Variants in GHRHR observed in about 807,000 individuals in gnomAD.
GHRHR encodes growth hormone releasing hormone receptor, also known as growth hormone-releasing hormone receptor.
GHRHR carries 40 observed loss-of-function variants against 58.3 expected under a neutral mutation model. The ratio of observed to expected loss-of-function variants is 0.69; its 90% confidence interval spans 0.53 to 0.89. The LOEUF (loss-of-function observed/expected upper bound fraction) is 0.89. Among genes scored for constraint, GHRHR ranks in the 40% least tolerant of loss-of-function variants. GHRHR has a pLI of 0.00. For synonymous variants in GHRHR, 249 were observed against 216.6 expected (o/e 1.15, Z -1.31); for missense variants, 551 against 541.3 (o/e 1.02, Z -0.18).
intron 1 of GHRHR, among the ~76,000 whole-genome samples, chr7:30,965,116 T>C (rs774288749): frequency 2.1e-4 from 32 of 152,176 alleles, no homozygotes; most frequent in Non-Finnish European, 3.8e-4. Flanking sequence ...TCACTGTGCA[T>C]TGAGTGGAAT....
At position 30,973,086 on chromosome 7, in the gene GHRHR, C is replaced by T. The variant is rs528799947; in HGVS notation, c.598-899C>T. On this transcript the variant is annotated intron_variant, in intron 6 of 12. Coordinates refer to ENST00000326139, the MANE Select transcript of GHRHR (RefSeq NM_000823.4). ...CCGATTAACACATATTTGTCTGTTACACGTGTTATATACTGTATTCTTACA... is the reference window on the plus strand; with the variant it reads ...CCGATTAACACATATTTGTCTGTTATACGTGTTATATACTGTATTCTTACA... 3.3e-5 allele frequency among the ~76,000 whole-genome samples: 5 copies of T among 152,278 alleles called. No homozygotes were observed. In the East Asian group the frequency reaches 9.6e-4, roughly 29 times the overall value.
chr7:30,968,620 C>T (rs376911832), intron 1 of GHRHR, among the ~76,000 whole-genome samples: 1 of 104,976 alleles, frequency 9.5e-6, no homozygotes, highest in Non-Finnish European at 1.8e-5. Flanking sequence ...CTCCCTCCCT[C>T]CCTCCCTCCC....
intron 6 of GHRHR, 157 bp downstream of exon 6, chr7:30,972,252 C>T (rs892364035): frequency 6.8e-6 from 5 of 730,018 alleles, no homozygotes; most frequent in Non-Finnish European, 1.2e-5. Flanking sequence ...TTTCCCATGT[C>T]ACCCCCTAAG....
At position 30,974,417 on chromosome 7, in the gene GHRHR, G is replaced by A. The variant is rs1427753911; in HGVS notation, c.752-12G>A. 1.3e-6 allele frequency: 2 copies of A among 1,599,604 alleles called. No individual in the cohort carries two copies. Among genetic ancestry groups the A allele is most frequent in the Non-Finnish European group, 1.7e-6 (2 of 1,166,776 alleles). On this transcript the variant is annotated splice_polypyrimidine_tract_variant and intron_variant, in intron 7 of 12. Coordinates refer to ENST00000326139, the MANE Select transcript of GHRHR (RefSeq NM_000823.4). Reference sequence around the variant, plus strand: ...AGACTCCCTCGCTTGTGTCTTCCCTGTACTCCTGTAGGGCTGCCCGTGCTC... The same window carrying A: ...AGACTCCCTCGCTTGTGTCTTCCCTATACTCCTGTAGGGCTGCCCGTGCTC...
At chr7:30,975,922 C>T in intron 10 of GHRHR, 54 bp downstream of exon 10, 1 of 981,388 alleles carries the variant, frequency 1.0e-6, no homozygotes, top group Non-Finnish European at 1.7e-6. Flanking sequence ...GAGGGGGATT[C>T]AATGTGTCTG....
Position 30,977,315 on chromosome 7 carries a change from A to G in GHRHR, c.1139A>G (p.Asn380Ser), listed in dbSNP as rs1467766527. 2.5e-6 allele frequency: 4 copies of G among 1,613,868 alleles called. No homozygotes were observed. The highest frequency in any genetic ancestry group is 3.4e-6 in the Non-Finnish European group (4 of 1,179,848). The change falls in exon 12 of 13, where the codon AAC becomes AGC. Residue 380 changes from asparagine to serine, a missense_variant. Coordinates refer to ENST00000326139, the MANE Select transcript of GHRHR (RefSeq NM_000823.4). ...GTTGCCATCCTCTACTGCTTCCTCA[A>G]CCAAGAGGTGTGTGATTTTTGAGGC... ...FIVAILYCFLNQEVRTEISRK... is the reference protein window; with the variant it reads ...FIVAILYCFLSQEVRTEISRK...
chr7:30,974,799 C>A (rs1792544722), intron 8 of GHRHR, among the ~76,000 whole-genome samples, 172 bp from the exon 9 acceptor site: 1 of 152,076 alleles, frequency 6.6e-6, no homozygotes, highest in Non-Finnish European at 1.5e-5. Context: ...AAGGGTGAGC[C>A]CAGCCTGGAT....
rs770962010 is a variant in GHRHR, at chr7:30,968,863, C to T, written c.87C>T (p.Asp29=). 2 of 1,613,860 alleles carry T rather than the reference C, an allele frequency of 1.2e-6. No individual in the cohort carries two copies. Among genetic ancestry groups the T allele is most frequent in the African/African-American group, 1.3e-5 (1 of 74,990 alleles). ...TGGGCCACATGCACCCAGAATGTGA[C>T]TTCATCACCCAGCTGAGAGAGGATG... ...TVLGHMHPEC[D]FITQLREDES... is the part of the protein sequence containing the mutation. Residue 29 remains aspartate (D), a synonymous_variant, in exon 2 of 13, where the codon GAC becomes GAT. Transcript: ENST00000326139.
chr7:30,968,857 A>G lies in GHRHR; in HGVS notation c.81A>G (p.Glu27=), dbSNP rs760761162. 1 of 1,613,822 alleles carries G rather than the reference A, an allele frequency of 6.2e-7. No individual in the cohort carries two copies. Among genetic ancestry groups the G allele is most frequent in the Non-Finnish European group, 8.5e-7 (1 of 1,179,836 alleles). The change falls in exon 2 of 13, where the codon GAA becomes GAG. Residue 27 remains glutamate, a synonymous_variant. Transcript: ENST00000326139. ...LPTVLGHMHP[E]CDFITQLRED... is the part of the protein sequence containing the mutation. ...AGGTATTGGGCCACATGCACCCAGA[A>G]TGTGACTTCATCACCCAGCTGAGAG...
rs149678088 is a variant in GHRHR, at chr7:30,974,488, G to A, written c.811G>A (p.Ala271Thr). The A allele has an allele frequency of 1.3e-5, 21 of 1,609,184 alleles. No homozygotes were observed. The highest frequency in any genetic ancestry group is 3.3e-5 in the Admixed American group (2 of 60,002). ...CTGCAAACTGGCCTTCGAGGACATC[G>A]CGTGAGTCGGAGCGGCCACCTTGTC... ...VSCKLAFEDIACWDLDDTSPY... is the reference protein window; with the variant it reads ...VSCKLAFEDITCWDLDDTSPY... Residue 271 changes from alanine to threonine, a missense_variant and splice_region_variant, in exon 8 of 13, where the codon GCG (alanine) becomes ACG (threonine). Physicochemically the swap from Ala to Thr is moderately conservative, Grantham distance 58. Coordinates refer to ENST00000326139, the MANE Select transcript of GHRHR (RefSeq NM_000823.4).
rs748960224 is a variant in GHRHR, at chr7:30,979,107, T to C, written c.1147-12T>C. On this transcript the variant is annotated splice_polypyrimidine_tract_variant and intron_variant, in intron 12 of 12. Transcript: ENST00000326139. ...GGGGACCTTCCTAACGTCCTCTTCCTTGTCCCTGGAGGTGAGGACTGAGAT... is the reference window on the plus strand; with the variant it reads ...GGGGACCTTCCTAACGTCCTCTTCCCTGTCCCTGGAGGTGAGGACTGAGAT... 4 of 1,613,276 alleles carry C rather than the reference T, an allele frequency of 2.5e-6. No individual in the cohort carries two copies. The African/African-American group carries it at 5.3e-5, about 22-fold the overall frequency.
intron 12 of GHRHR, among the ~76,000 whole-genome samples, chr7:30,978,880 C>T (rs1792635921): frequency 6.6e-6 from 1 of 152,132 alleles, no homozygotes; most frequent in Non-Finnish European, 1.5e-5. Context: ...TGGGCTCAGA[C>T]AAAGGCAGGG....
chr7:30,970,799 T>C (rs1792465730), intron 4 of GHRHR, among the ~76,000 whole-genome samples: 1 of 152,216 alleles, frequency 6.6e-6, no homozygotes, highest in Non-Finnish European at 1.5e-5. Flanking sequence ...AACAAGCTGA[T>C]TTCCTCTTGG....
rs111667652 is a variant in GHRHR, at chr7:30,966,311, G to C, written c.57+2186G>C. ...TCTTACATCTGCTACACTATTTGCT[G>C]TGCCTGCATTTCTCCCAAAGAACAC... On this transcript the variant is annotated intron_variant, in intron 1 of 12. Coordinates refer to ENST00000326139, the MANE Select transcript of GHRHR (RefSeq NM_000823.4). 3.7e-3 allele frequency among the ~76,000 whole-genome samples: 553 copies of C among 151,176 alleles called. 6 individuals carry two copies. The highest frequency in any genetic ancestry group is 0.021 in the Middle Eastern group (6 of 290).
At chr7:30,978,531 G>A (rs1792629421) in intron 12 of GHRHR, among the ~76,000 whole-genome samples, 1 of 152,130 alleles carries the variant, frequency 6.6e-6, no homozygotes, top group African/African-American at 2.4e-5. Context: ...CCCCAGTTCG[G>A]CTCTACTGCA....
At chr7:30,969,465 C>T in intron 3 of GHRHR, 1 of 593,202 alleles carries the variant, frequency 1.7e-6, no homozygotes, top group Non-Finnish European at 3.0e-6. Context: ...GGAGGGCAGG[C>T]CTGCCTGACT....
rs1792286876 is a variant in GHRHR, at chr7:30,964,035, G to A, written c.-34G>A. 6.5e-7 allele frequency: 1 copy of A among 1,542,408 alleles called. No homozygotes were observed. Among genetic ancestry groups the A allele is most frequent in the South Asian group, 1.2e-5 (1 of 83,906 alleles). ...GGAAGGAAGATAGCCAAGGCTTACT[G>A]AGGCTGGTGGAGGGAGCCACTGCTG... On this transcript the variant is annotated 5_prime_UTR_variant, in exon 1 of 13. Transcript: ENST00000326139.
chr7:30,968,090 C>T lies in GHRHR; in HGVS notation c.58-744C>T, dbSNP rs150536349. Among the ~76,000 whole-genome samples, 120 of 152,262 alleles carry T rather than the reference C, an allele frequency of 7.9e-4. 1 individual carries two copies. Among genetic ancestry groups the T allele is most frequent in the African/African-American group, 2.4e-3 (98 of 41,544 alleles). On this transcript the variant is annotated intron_variant, in intron 1 of 12. Coordinates refer to ENST00000326139, the MANE Select transcript of GHRHR (RefSeq NM_000823.4). ...GATTCTGACTCTCTTGCCTACTGCC[C>T]ATCCTATAAGGAGCCTTGCGATTAC...
In GHRHR at chr7:30,964,037, G is replaced by A; in HGVS notation, c.-32G>A. 6.5e-7 allele frequency: 1 copy of A among 1,545,826 alleles called. No individual in the cohort carries two copies. The highest frequency in any genetic ancestry group is 8.8e-7 in the Non-Finnish European group (1 of 1,142,508). ...AAGGAAGATAGCCAAGGCTTACTGA[G>A]GCTGGTGGAGGGAGCCACTGCTGGG... On this transcript the variant is annotated 5_prime_UTR_variant, in exon 1 of 13. Coordinates refer to ENST00000326139, the MANE Select transcript of GHRHR (RefSeq NM_000823.4).
Sources: allele counts gnomAD v4.1 joint callset (sites outside exome capture counted in the v4.1 genomes callset), GRCh38; gene constraint gnomAD v4.1.1; transcripts MANE v1.5; gene names NCBI Gene and HGNC (gene_info 2026-07-23, HGNC 2026-07-21).